Variants in FIRRM observed in about 807,000 individuals in gnomAD.
The protein encoded by FIRRM is FIGNL1-interacting regulator of recombination and mitosis.
the FIRRM span, among the ~76,000 whole-genome samples, chr1:169,837,664 T>C: frequency 6.6e-6 from 1 of 152,204 alleles, no homozygotes; most frequent in Non-Finnish European, 1.5e-5. Flanking sequence ...TGGAGTACTT[T>C]TATGTGCCAC....
the FIRRM span, chr1:169,853,701 T>G: frequency 6.8e-6 from 11 of 1,612,408 alleles, no homozygotes; most frequent in Non-Finnish European, 9.3e-6. Flanking sequence ...AAAGTTTAAC[T>G]CACATCTATT....
chr1:169,847,450 T>G, the FIRRM span, among the ~76,000 whole-genome samples: 1 of 152,146 alleles, frequency 6.6e-6, no homozygotes, highest in Non-Finnish European at 1.5e-5. Context: ...ATACTTTTAT[T>G]TTTTACGTGG....
At chr1:169,844,399 T>A in the FIRRM span, among the ~76,000 whole-genome samples, 1 of 152,160 alleles carries the variant, frequency 6.6e-6, no homozygotes, top group South Asian at 2.1e-4. Context: ...TAGACAGAAT[T>A]GATGCCCCAA....
the FIRRM span, among the ~76,000 whole-genome samples, chr1:169,825,260 G>T: frequency 6.6e-6 from 1 of 152,180 alleles, no homozygotes; most frequent in African/African-American, 2.4e-5. Context: ...CAGATGATGT[G>T]ACTTCTCTGC....
At chr1:169,847,712 T>C in the FIRRM span, 3 of 1,613,548 alleles carry the variant, frequency 1.9e-6, no homozygotes, top group Non-Finnish European at 2.5e-6. Flanking sequence ...CAGACCTCGC[T>C]ACTTAAATTA....
At chr1:169,798,274 C>T in the FIRRM span, among the ~76,000 whole-genome samples, 1 of 148,582 alleles carries the variant, frequency 6.7e-6, no homozygotes, top group Non-Finnish European at 1.5e-5. Context: ...GCAAGACCGT[C>T]TCTCTTTTTT....
chr1:169,838,688 C>T, the FIRRM span, among the ~76,000 whole-genome samples: 3 of 152,040 alleles, frequency 2.0e-5, no homozygotes, highest in African/African-American at 4.8e-5. Context: ...TGGGGTTTCA[C>T]CATGTTGACC....
the FIRRM span, among the ~76,000 whole-genome samples, chr1:169,797,618 G>A: frequency 9.2e-5 from 14 of 152,224 alleles, 1 homozygote; most frequent in East Asian, 2.5e-3. Context: ...GCAGTGGTGC[G>A]ATCTCAGCTC....
At chr1:169,831,591 T>C in the FIRRM span, among the ~76,000 whole-genome samples, 75 of 152,216 alleles carry the variant, frequency 4.9e-4, no homozygotes, top group Non-Finnish European at 4.1e-4. Flanking sequence ...TTTTATGTTA[T>C]GTGTTTTATG....
At chr1:169,812,968 T>G in the FIRRM span, among the ~76,000 whole-genome samples, 34,432 of 152,164 alleles carry the variant, frequency 0.23, 4,344 homozygotes, top group Middle Eastern at 0.3. Context: ...AGGGATCATA[T>G]TCCATTAGCG....
the FIRRM span, among the ~76,000 whole-genome samples, chr1:169,788,475 C>T: frequency 2.0e-5 from 3 of 152,180 alleles, no homozygotes; most frequent in South Asian, 4.1e-4. Flanking sequence ...ATATGACATA[C>T]AAAATATGTC....
At chr1:169,842,343 C>G in the FIRRM span, 2 of 1,489,690 alleles carry the variant, frequency 1.3e-6, no homozygotes, top group African/African-American at 2.8e-5. Flanking sequence ...TTTATAACCT[C>G]TAGTTAAGTC....
At chr1:169,803,993 T>G in the FIRRM span, 1 of 841,204 alleles carries the variant, frequency 1.2e-6, no homozygotes, top group Admixed American at 3.4e-5. Context: ...AAATTTATGA[T>G]CTCTAATAGT....
chr1:169,853,860 A>ATT, the FIRRM span: 1 of 1,472,008 alleles, frequency 6.8e-7, no homozygotes, highest in Non-Finnish European at 9.4e-7. Context: ...GGAATTTAAA[A>ATT]TTTATCTTTT....
the FIRRM span, chr1:169,852,819 C>G: frequency 6.2e-7 from 1 of 1,613,966 alleles, no homozygotes; most frequent in South Asian, 1.1e-5. Context: ...GTCAGGAGTT[C>G]CCCTGGGAAG....
At chr1:169,793,352 T>C in the FIRRM span, 2 of 1,614,096 alleles carry the variant, frequency 1.2e-6, no homozygotes, top group African/African-American at 2.7e-5. Flanking sequence ...TATGACTTTA[T>C]TTTCTAACAT....
the FIRRM span, among the ~76,000 whole-genome samples, chr1:169,800,284 G>A: frequency 6.6e-6 from 1 of 151,144 alleles, no homozygotes; most frequent in Admixed American, 6.6e-5. Flanking sequence ...GGCTCAGACA[G>A]TCCTCCCGCC....
the FIRRM span, among the ~76,000 whole-genome samples, chr1:169,843,177 T>C: frequency 1.3e-5 from 2 of 152,252 alleles, no homozygotes; most frequent in Non-Finnish European, 2.9e-5. Flanking sequence ...TGTTTTATTA[T>C]TGTTTTTTAT....
chr1:169,785,656 G>C, the FIRRM span, among the ~76,000 whole-genome samples: 1 of 152,062 alleles, frequency 6.6e-6, no homozygotes, highest in Non-Finnish European at 1.5e-5. Flanking sequence ...GTCTCTCTCT[G>C]GAGCCTGGAA....
Sources: gnomAD v4.1 joint callset for allele counts (sites outside exome capture counted in the v4.1 genomes callset) on GRCh38, gnomAD v4.1.1 for gene constraint, MANE v1.5 for transcripts, NCBI Gene and HGNC (gene_info 2026-07-23, HGNC 2026-07-21) for gene names.